Variants in ANKRD36 observed in about 807,000 individuals in gnomAD.
The protein encoded by ANKRD36 is ankyrin repeat domain-containing protein 36A.
Under a neutral mutation model 278.1 loss-of-function variants are expected in ANKRD36, and 179 were observed. The ratio of observed to expected loss-of-function variants is 0.64; its 90% CI spans 0.57 to 0.73. The LOEUF (loss-of-function observed/expected upper bound fraction) is 0.73, where lower values mean the gene tolerates loss of function less well. Among genes scored for constraint, ANKRD36 ranks in the 30% least tolerant of loss-of-function variants. The probability of loss-of-function intolerance (pLI) is 0.00; values close to 1 mark genes in which losing one functional copy is unlikely to be tolerated. For missense variants in ANKRD36, 1,159 were observed against 1,956.7 expected (o/e 0.59, Z 7.69); for synonymous variants, 320 against 641.1 (o/e 0.50, Z 7.57).
intron 46 of ANKRD36, among the ~76,000 whole-genome samples, chr2:97,201,736 G>T (rs1327099789): frequency 6.6e-6 from 1 of 152,008 alleles, no homozygotes; most frequent in East Asian, 2.0e-4. Context: ...AAGCATCATC[G>T]CAATTGTGTG....
At chr2:97,162,947 A>G (rs535098101) in intron 18 of ANKRD36, among the ~76,000 whole-genome samples, 1 of 152,318 alleles carries the variant, frequency 6.6e-6, no homozygotes, top group Non-Finnish European at 1.5e-5. Context: ...GTAACTGTCA[A>G]TAATCATGGC....
intron 20 of ANKRD36, among the ~76,000 whole-genome samples, chr2:97,166,946 CTG>C (rs2050895788): frequency 6.6e-6 from 1 of 152,204 alleles, no homozygotes; most frequent in African/African-American, 2.4e-5. Flanking sequence ...TAAAATGTAA[CTG>C]TCGATAATCA....
intron 6 of ANKRD36, among the ~76,000 whole-genome samples, chr2:97,129,668 C>A (rs1574640101): frequency 1.3e-5 from 2 of 152,014 alleles, no homozygotes; most frequent in East Asian, 3.8e-4. Context: ...AGGAAGGGAT[C>A]CAGTTTCAGC....
At chr2:97,156,426 T>C (rs1214006958) in intron 15 of ANKRD36, among the ~76,000 whole-genome samples, 1 of 136,288 alleles carries the variant, frequency 7.3e-6, no homozygotes, top group Non-Finnish European at 1.7e-5. Context: ...TGTGTCCATG[T>C]GATCTCATTG....
chr2:97,127,245 C>G, intron 6 of ANKRD36, 111 bp downstream of exon 6: 3 of 443,426 alleles, frequency 6.8e-6, no homozygotes, highest in Non-Finnish European at 1.2e-5. Context: ...TTAAATTGCA[C>G]ACATTTAAAA....
intron 15 of ANKRD36, among the ~76,000 whole-genome samples, chr2:97,155,792 A>C (rs1352359366): frequency 6.8e-6 from 1 of 146,746 alleles, no homozygotes; most frequent in African/African-American, 2.4e-5. Context: ...ACTTGAAGCT[A>C]GAAAACCTAT....
chr2:97,198,260 C>G lies in ANKRD36; in HGVS notation c.2654-203C>G, dbSNP rs562791743. On this transcript the variant is annotated intron_variant, in intron 42 of 75. Transcript: ENST00000420699. ...GACAAATCATACCATGTTTGAAATT[C>G]TAAGACTATATTTCATGGAGCCTGT... 6.6e-5 allele frequency among the ~76,000 whole-genome samples: 10 copies of G among 151,944 alleles called. No homozygotes were observed. In the East Asian group the frequency reaches 1.8e-3, roughly 27 times the overall value.
chr2:97,216,925 G>A (rs1233546562), intron 62 of ANKRD36: 20 of 915,762 alleles, frequency 2.2e-5, no homozygotes, highest in Non-Finnish European at 3.0e-5. Context: ...ATATTGACAC[G>A]GTTTTATTTT....
chr2:97,214,734 A>G (rs1250696855), intron 60 of ANKRD36, among the ~76,000 whole-genome samples: 1 of 151,140 alleles, frequency 6.6e-6, no homozygotes, highest in Non-Finnish European at 1.5e-5. Flanking sequence ...TGTGAGAAAT[A>G]ATGAATTATT....
intron 75 of ANKRD36, among the ~76,000 whole-genome samples, chr2:97,258,235 G>GT (rs1284645324): frequency 3.1e-4 from 44 of 142,612 alleles, no homozygotes; most frequent in African/African-American, 4.9e-4. Flanking sequence ...AATTTTATTA[G>GT]TTTTTTTTTG....
At chr2:97,208,961 C>T (rs1196471776) in intron 54 of ANKRD36, among the ~76,000 whole-genome samples, 6 of 146,484 alleles carry the variant, frequency 4.1e-5, no homozygotes, top group African/African-American at 8.0e-5. Flanking sequence ...ACTTTGTAGA[C>T]GTATGTCAAA....
chr2:97,203,032 A>C (rs974199699), intron 48 of ANKRD36, among the ~76,000 whole-genome samples: 1 of 151,822 alleles, frequency 6.6e-6, no homozygotes, highest in Non-Finnish European at 1.5e-5. Flanking sequence ...ATAGAAACAC[A>C]CTGACTCATT....
intron 50 of ANKRD36, among the ~76,000 whole-genome samples, chr2:97,205,687 G>A (rs1295430303): frequency 1.3e-5 from 2 of 151,294 alleles, no homozygotes; most frequent in African/African-American, 4.8e-5. Flanking sequence ...ATATTGACAC[G>A]GTTTTATTTT....
At chr2:97,206,726 A>C (rs947859855) in intron 52 of ANKRD36, among the ~76,000 whole-genome samples, 2 of 151,532 alleles carry the variant, frequency 1.3e-5, no homozygotes, top group Non-Finnish European at 3.0e-5. Context: ...TGGCTGCTTC[A>C]GGAACTGCTG....
chr2:97,142,809 TA>T lies in ANKRD36; in HGVS notation c.878del (p.Lys293ArgfsTer17). ...EDSISNIATE[I>X]KDGQKSGTVS... Reference sequence around the variant, plus strand: ...TCTATTTCAAATATAGCCACAGAAATAAAGGATGGACAAAAATCTGGGACAG... The same window carrying T: ...TCTATTTCAAATATAGCCACAGAAATAAGGATGGACAAAAATCTGGGACAG... On this transcript the variant is annotated frameshift_variant, in exon 8 of 76. Transcript: ENST00000420699. LOFTEE classifies it high-confidence loss of function. The T allele has an allele frequency of 6.4e-7, 1 of 1,567,704 alleles. No homozygotes were observed.
intron 11 of ANKRD36, among the ~76,000 whole-genome samples, chr2:97,148,722 C>T (rs529867080): frequency 1.3e-4 from 20 of 152,084 alleles, no homozygotes; most frequent in African/African-American, 4.8e-4. Context: ...CAAACATTTG[C>T]AGTGTTTCAG....
At chr2:97,195,513 C>G (rs376799246) in intron 40 of ANKRD36, among the ~76,000 whole-genome samples, 639 of 149,470 alleles carry the variant, frequency 4.3e-3, no homozygotes, top group East Asian at 0.037. Flanking sequence ...GCTCCAGCAA[C>G]TGCTGGAAGC....
chr2:97,182,805 G>T (rs1199829601), intron 26 of ANKRD36, among the ~76,000 whole-genome samples: 1 of 151,516 alleles, frequency 6.6e-6, no homozygotes, highest in East Asian at 1.9e-4. Flanking sequence ...TGCCATGAGT[G>T]GATGAAGAAC....
intron 44 of ANKRD36, among the ~76,000 whole-genome samples, chr2:97,199,515 A>G (rs1157456994): frequency 1.3e-5 from 2 of 151,958 alleles, no homozygotes; most frequent in Admixed American, 6.6e-5. Context: ...TTGAATTCCA[A>G]TTAACTCCTA....
Sources: allele counts gnomAD v4.1 joint callset (sites outside exome capture counted in the v4.1 genomes callset), GRCh38; gene constraint gnomAD v4.1.1; transcripts MANE v1.5; gene names NCBI Gene and HGNC (gene_info 2026-07-23, HGNC 2026-07-21).